Variants in GPR141 observed in about 807,000 individuals in gnomAD.
GPR141 encodes G protein-coupled receptor 141, also known as probable G protein-coupled receptor 141.
A neutral mutation model predicts 6.8 loss-of-function variants in GPR141; 6 were observed. The observed-to-expected ratio is 0.88, with a 90% CI of 0.48 to 1.74. GPR141 has a LOEUF of 1.74. GPR141 is among the 40% of genes most tolerant of loss of function. GPR141 has a pLI of 0.01. For missense variants in GPR141, 372 were observed against 372.9 expected (o/e 1.00, Z 0.02); for synonymous variants, 140 against 142.3 (o/e 0.98, Z 0.11).
At chr7:37,698,012 G>T (rs999050334) in intron 2 of GPR141, among the ~76,000 whole-genome samples, 1 of 152,236 alleles carries the variant, frequency 6.6e-6, no homozygotes, top group Non-Finnish European at 1.5e-5. Context: ...GTGCCTGGCA[G>T]CATGGGATAC....
At chr7:37,719,479 A>G (rs545082524) in intron 2 of GPR141, among the ~76,000 whole-genome samples, 1 of 152,168 alleles carries the variant, frequency 6.6e-6, no homozygotes, top group Admixed American at 6.5e-5. Context: ...TCTAACATGG[A>G]TCTCATCTTG....
At chr7:37,721,273 C>G in intron 2 of GPR141, among the ~76,000 whole-genome samples, 1 of 152,072 alleles carries the variant, frequency 6.6e-6, no homozygotes, top group Non-Finnish European at 1.5e-5. Flanking sequence ...ATAAAAGTAC[C>G]CTTGTCCTGG....
intron 2 of GPR141, among the ~76,000 whole-genome samples, chr7:37,691,157 T>C (rs1809741599): frequency 6.6e-6 from 1 of 152,026 alleles, no homozygotes; most frequent in African/African-American, 2.4e-5. Flanking sequence ...TCTGTTTACA[T>C]GGAATATCTT....
At chr7:37,704,830 T>C (rs1054649807) in intron 2 of GPR141, among the ~76,000 whole-genome samples, 1 of 152,206 alleles carries the variant, frequency 6.6e-6, no homozygotes, top group East Asian at 1.9e-4. Flanking sequence ...TATTATGAAA[T>C]TATTCTTTTC....
chr7:37,742,402 C>T lies in GPR141; in HGVS notation c.*1091C>T, dbSNP rs1384064468. Reference sequence around the variant, plus strand: ...TAATGCTCTCCCTCCCCTAGCCCCCCACCCCTGGACAGGCCCCATTGTGTG... The same window carrying T: ...TAATGCTCTCCCTCCCCTAGCCCCCTACCCCTGGACAGGCCCCATTGTGTG... On this transcript the variant is annotated 3_prime_UTR_variant, in exon 3 of 3. Coordinates refer to ENST00000334425, the MANE Select transcript of GPR141 (RefSeq NM_001381946.1). Among the ~76,000 whole-genome samples the T allele has an allele frequency of 6.6e-6, 1 of 151,994 alleles. No homozygotes were observed. The highest frequency in any genetic ancestry group is 1.5e-5 in the Non-Finnish European group (1 of 67,996).
At chr7:37,689,017 G>A (rs985462784) in intron 2 of GPR141, among the ~76,000 whole-genome samples, 2 of 151,928 alleles carry the variant, frequency 1.3e-5, no homozygotes, top group Non-Finnish European at 2.9e-5. Context: ...GAAGTTTTTC[G>A]TTATCCCAGA....
intron 2 of GPR141, among the ~76,000 whole-genome samples, chr7:37,738,686 A>G (rs952834441): frequency 6.6e-6 from 1 of 151,946 alleles, no homozygotes; most frequent in Non-Finnish European, 1.5e-5. Context: ...GGTATAAGTT[A>G]TATGCAATAA....
intron 2 of GPR141, among the ~76,000 whole-genome samples, chr7:37,695,073 G>A (rs2131739704): frequency 6.6e-6 from 1 of 152,334 alleles, no homozygotes; most frequent in South Asian, 2.1e-4. Flanking sequence ...GTTTCCCTAG[G>A]AGGGATTGCA....
chr7:37,715,344 A>G (rs1810994976), intron 2 of GPR141, among the ~76,000 whole-genome samples: 1 of 152,188 alleles, frequency 6.6e-6, no homozygotes, highest in African/African-American at 2.4e-5. Flanking sequence ...TGCCCAGGCC[A>G]GTCTGGAACT....
At chr7:37,723,738 A>G (rs1269284569) in intron 2 of GPR141, among the ~76,000 whole-genome samples, 1 of 152,180 alleles carries the variant, frequency 6.6e-6, no homozygotes, top group East Asian at 1.9e-4. Flanking sequence ...GGGTGGATTA[A>G]GTAGGCCAGA....
intron 2 of GPR141, among the ~76,000 whole-genome samples, chr7:37,708,519 T>G (rs1163284339): frequency 2.6e-5 from 4 of 152,170 alleles, no homozygotes; most frequent in Admixed American, 2.6e-4. Flanking sequence ...TTATAAGACC[T>G]GGGAAAAATG....
intron 2 of GPR141, among the ~76,000 whole-genome samples, chr7:37,711,847 C>A (rs573956460): frequency 6.6e-6 from 1 of 152,312 alleles, no homozygotes; most frequent in East Asian, 1.9e-4. Context: ...AAACTCCAGA[C>A]AAAAGAGTAC....
At chr7:37,692,970 G>T (rs937988419) in intron 2 of GPR141, among the ~76,000 whole-genome samples, 28 of 151,926 alleles carry the variant, frequency 1.8e-4, no homozygotes, top group Admixed American at 3.9e-4. Flanking sequence ...GATGACAGTT[G>T]TTTTATTTTT....
intron 2 of GPR141, chr7:37,713,202 T>G (rs1387188400): frequency 6.6e-6 from 1 of 152,254 alleles, no homozygotes; most frequent in African/African-American, 2.4e-5. Flanking sequence ...AGGCAGTGCA[T>G]GAAGAATTGG....
chr7:37,716,122 G>A (rs1436304100), intron 2 of GPR141, among the ~76,000 whole-genome samples: 2 of 152,180 alleles, frequency 1.3e-5, no homozygotes, highest in Admixed American at 6.5e-5. Flanking sequence ...GGGAGTCTGG[G>A]AGCCAGGCAA....
chr7:37,705,025 A>G (rs377614639), intron 2 of GPR141, among the ~76,000 whole-genome samples: 6 of 152,322 alleles, frequency 3.9e-5, no homozygotes, highest in African/African-American at 1.4e-4. Context: ...TTAGTATGCA[A>G]TAGCCACTCT....
intron 2 of GPR141, among the ~76,000 whole-genome samples, chr7:37,689,876 T>C (rs922969116): frequency 6.6e-6 from 1 of 151,394 alleles, no homozygotes; most frequent in African/African-American, 2.4e-5. Context: ...CTCTTGTTAT[T>C]TTTTTTCAGT....
intron 2 of GPR141, chr7:37,713,231 A>G (rs1810891996): frequency 6.6e-6 from 1 of 152,262 alleles, no homozygotes; most frequent in African/African-American, 2.4e-5. Context: ...TGTCCCTAAC[A>G]CAAATATATA....
chr7:37,739,439 G>A (rs1012460171), intron 2 of GPR141, among the ~76,000 whole-genome samples: 5 of 152,122 alleles, frequency 3.3e-5, no homozygotes, highest in African/African-American at 1.2e-4. Context: ...CTTGTCTCAA[G>A]GGATCAGATT....
Sources: gnomAD v4.1 joint callset for allele counts (sites outside exome capture counted in the v4.1 genomes callset) on GRCh38, gnomAD v4.1.1 for gene constraint, MANE v1.5 for transcripts, NCBI Gene and HGNC (gene_info 2026-07-23, HGNC 2026-07-21) for gene names.